Variants in GLIS3 observed in about 807,000 individuals in gnomAD.
The protein encoded by GLIS3 is GLIS family zinc finger 3, also known as zinc finger protein GLIS3.
A neutral mutation model predicts 78.6 loss-of-function variants in GLIS3; 53 were observed. The observed-to-expected ratio is 0.67, with a 90% confidence interval of 0.54 to 0.85. The LOEUF is 0.85. GLIS3 is among the 40% of genes least tolerant of loss of function. The pLI is 0.00. For synonymous variants in GLIS3, 684 were observed against 509.9 expected (o/e 1.34, Z -4.60); for missense variants, 1,703 against 1,231.1 (o/e 1.38, Z -5.74).
chr9:4,367,192 G>C, the GLIS3 span, among the ~76,000 whole-genome samples: 1 of 152,128 alleles, frequency 6.6e-6, no homozygotes, highest in Non-Finnish European at 1.5e-5. Flanking sequence ...CTTGTAAGCC[G>C]CCGACGGCAT....
intron 2 of GLIS3, among the ~76,000 whole-genome samples, chr9:4,273,128 C>T (rs546098958): frequency 3.3e-4 from 50 of 152,278 alleles, no homozygotes; most frequent in African/African-American, 1.1e-3. Context: ...AGAGTTATGA[C>T]TAAGCTGTAG....
At chr9:4,062,734 T>C (rs1481643679) in intron 4 of GLIS3, among the ~76,000 whole-genome samples, 2 of 152,134 alleles carry the variant, frequency 1.3e-5, no homozygotes, top group East Asian at 1.9e-4. Flanking sequence ...GAGACCATCC[T>C]GGCTAACACA....
chr9:4,349,482 G>C (rs1418109252), upstream of GLIS3, among the ~76,000 whole-genome samples: 2 of 152,086 alleles, frequency 1.3e-5, no homozygotes, highest in Admixed American at 1.3e-4. Context: ...GATTTATATT[G>C]ATGAGTAGAA....
chr9:4,464,567 G>A, the GLIS3 span, among the ~76,000 whole-genome samples: 1 of 151,782 alleles, frequency 6.6e-6, no homozygotes, highest in South Asian at 2.1e-4. Context: ...CATAATTTTT[G>A]TATTTTTAGT....
the GLIS3 span, among the ~76,000 whole-genome samples, chr9:4,420,164 C>G: frequency 5.9e-5 from 9 of 152,030 alleles, no homozygotes; most frequent in African/African-American, 2.2e-4. Context: ...TAATGGGCAA[C>G]CAAAATTGAA....
chr9:4,094,109 C>G (rs1383420728), intron 4 of GLIS3, among the ~76,000 whole-genome samples: 3 of 152,156 alleles, frequency 2.0e-5, no homozygotes, highest in East Asian at 1.9e-4. Flanking sequence ...ACGTGAAAAT[C>G]TCAACCAAAA....
chr9:3,971,728 T>G (rs1166782116), intron 4 of GLIS3, among the ~76,000 whole-genome samples: 2 of 152,210 alleles, frequency 1.3e-5, no homozygotes, highest in Non-Finnish European at 2.9e-5. Flanking sequence ...CCTCTAATAA[T>G]AGTTCTTTGA....
chr9:4,016,471 A>T (rs1029755605), intron 4 of GLIS3, among the ~76,000 whole-genome samples: 2 of 152,334 alleles, frequency 1.3e-5, no homozygotes, highest in Admixed American at 6.5e-5. Flanking sequence ...GAACAAAGGG[A>T]CTTGATGAGC....
At chr9:4,247,876 T>C (rs1176083311) in intron 2 of GLIS3, among the ~76,000 whole-genome samples, 1 of 152,012 alleles carries the variant, frequency 6.6e-6, no homozygotes, top group Non-Finnish European at 1.5e-5. Flanking sequence ...ATCCATCACT[T>C]CACTTCATTG....
intron 8 of GLIS3, among the ~76,000 whole-genome samples, chr9:3,858,785 A>C (rs556652415): frequency 6.6e-6 from 1 of 152,328 alleles, no homozygotes; most frequent in South Asian, 2.1e-4. Context: ...AATTATCCAG[A>C]CAATTGCTAG....
At chr9:4,285,172 T>G (rs1280147857) in intron 2 of GLIS3, among the ~76,000 whole-genome samples, 1 of 152,192 alleles carries the variant, frequency 6.6e-6, no homozygotes, top group Non-Finnish European at 1.5e-5. Flanking sequence ...AAAAATACCT[T>G]AAGGAATATA....
intron 7 of GLIS3, among the ~76,000 whole-genome samples, chr9:3,889,637 G>GA (rs1185256569): frequency 6.6e-6 from 1 of 152,150 alleles, no homozygotes; most frequent in Non-Finnish European, 1.5e-5. Flanking sequence ...TCATTTTGAT[G>GA]AATGTCTCAG....
intron 8 of GLIS3, among the ~76,000 whole-genome samples, chr9:3,875,813 G>C (rs928353380): frequency 6.6e-6 from 1 of 152,078 alleles, no homozygotes; most frequent in African/African-American, 2.4e-5. Context: ...TAGCAGCAAG[G>C]CAAAACCACA....
At chr9:3,990,654 T>A (rs189928761) in intron 4 of GLIS3, among the ~76,000 whole-genome samples, 1 of 152,242 alleles carries the variant, frequency 6.6e-6, no homozygotes, top group Non-Finnish European at 1.5e-5. Flanking sequence ...AAAATAGCCC[T>A]TGCCTTCTAC....
At chr9:4,296,332 T>C (rs886242679) in intron 1 of GLIS3, among the ~76,000 whole-genome samples, 54 of 151,422 alleles carry the variant, frequency 3.6e-4, no homozygotes, top group Admixed American at 1.0e-3. Context: ...CTGAGCTCTC[T>C]TCTGGAATGG....
At chr9:4,172,271 G>C (rs1339548087) in intron 2 of GLIS3, among the ~76,000 whole-genome samples, 1 of 152,136 alleles carries the variant, frequency 6.6e-6, no homozygotes, top group Non-Finnish European at 1.5e-5. Context: ...CTCAGCTCCA[G>C]TCCTCAATAT....
chr9:3,872,274 G>T (rs1328623196), intron 8 of GLIS3, among the ~76,000 whole-genome samples: 1 of 152,094 alleles, frequency 6.6e-6, no homozygotes, highest in Non-Finnish European at 1.5e-5. Context: ...ATCTTCTTCT[G>T]AGCTCTCCAA....
the GLIS3 span, among the ~76,000 whole-genome samples, chr9:4,454,644 T>C: frequency 1.3e-5 from 2 of 152,198 alleles, no homozygotes; most frequent in African/African-American, 4.8e-5. Context: ...TTTCAGTAAA[T>C]GCATCTCTAT....
chr9:4,068,724 A>C (rs1281882478), intron 4 of GLIS3, among the ~76,000 whole-genome samples: 3 of 152,150 alleles, frequency 2.0e-5, no homozygotes, highest in Non-Finnish European at 4.4e-5. Flanking sequence ...AAGGAGACAG[A>C]GCCTAGTCAC....
Sources: allele counts gnomAD v4.1 joint callset (sites outside exome capture counted in the v4.1 genomes callset), GRCh38; gene constraint gnomAD v4.1.1; transcripts MANE v1.5; gene names NCBI Gene and HGNC (gene_info 2026-07-23, HGNC 2026-07-21).